ACAT1: variants seen among roughly 807,000 people sequenced by gnomAD.
ACAT1 encodes the protein acetyl-CoA acetyltransferase, mitochondrial.
In ACAT1, 28 loss-of-function variants were observed where a neutral mutation model predicts 47.3. The ratio of observed to expected loss-of-function variants is 0.59; its 90% CI spans 0.44 to 0.81. ACAT1 has a LOEUF of 0.81. ACAT1 is among the 30% of genes least tolerant of loss of function. The pLI is 0.00. For synonymous variants in ACAT1, 181 were observed against 173.6 expected, an observed-to-expected ratio of 1.04 and a Z score of -0.34; for missense variants, 469 against 524.3, an observed-to-expected ratio of 0.89 and a Z score of 1.03.
chr11:108,129,651 G>A (rs1033504619), intron 1 of ACAT1, among the ~76,000 whole-genome samples: 1 of 152,212 alleles, frequency 6.6e-6, no homozygotes, highest in African/African-American at 2.4e-5. Context: ...AAAGGCATGA[G>A]CCACTGTGCC....
chr11:108,131,875 A>T, intron 1 of ACAT1, 32 bp from the exon 2 acceptor site: 1 of 1,008,746 alleles, frequency 9.9e-7, no homozygotes, highest in Non-Finnish European at 1.4e-6. Flanking sequence ...AATATTTTTT[A>T]CATTATAACA....
chr11:108,135,214 C>T lies in ACAT1; in HGVS notation c.407C>T (p.Ala136Val). ...CASGMKAIMM[A>V]SQSLMCGHQD... ...TCAGGAATGAAAGCCATCATGATGGCCTCTCAAAGTCTTATGTGTGGACAT... is the reference window on the plus strand; with the variant it reads ...TCAGGAATGAAAGCCATCATGATGGTCTCTCAAAGTCTTATGTGTGGACAT... Residue 136 changes from alanine (A) to valine (V), a missense_variant, in exon 5 of 12, where the codon GCC (alanine) becomes GTC (valine). Coordinates refer to ENST00000265838, the MANE Select transcript of ACAT1 (RefSeq NM_000019.4). 1 of 1,613,120 alleles carries T rather than the reference C, an allele frequency of 6.2e-7. No individual in the cohort carries two copies. Among genetic ancestry groups the T allele is most frequent in the African/African-American group, 1.3e-5 (1 of 74,990 alleles).
intron 6 of ACAT1, among the ~76,000 whole-genome samples, chr11:108,139,327 T>C (rs186335296): frequency 0.013 from 1,955 of 152,122 alleles, 19 homozygotes; most frequent in South Asian, 0.021. Context: ...GCGGTGGCTC[T>C]GGCCTGTAAT....
At chr11:108,141,458 C>A in intron 7 of ACAT1, 147 bp from the exon 8 acceptor site, 2 of 537,118 alleles carry the variant, frequency 3.7e-6, no homozygotes, top group Non-Finnish European at 6.8e-6. Flanking sequence ...TTATAGTTAA[C>A]AGATTCTAGA....
At chr11:108,144,679 C>T (rs1460930836) in intron 10 of ACAT1, among the ~76,000 whole-genome samples, 1 of 124,330 alleles carries the variant, frequency 8.0e-6, no homozygotes, top group Non-Finnish European at 1.7e-5. Flanking sequence ...AAATCAGATT[C>T]TCCCCACTGC....
intron 1 of ACAT1, among the ~76,000 whole-genome samples, chr11:108,128,357 G>A (rs1441735132): frequency 3.3e-5 from 5 of 152,168 alleles, no homozygotes; most frequent in African/African-American, 7.2e-5. Context: ...TTGGGAGGCC[G>A]AGGCAGGCGG....
chr11:108,139,134 T>C (rs2077530459), intron 6 of ACAT1, 93 bp downstream of exon 6: 2 of 1,500,282 alleles, frequency 1.3e-6, no homozygotes, highest in East Asian at 2.3e-5. Flanking sequence ...AACTGAAAGA[T>C]GGGCTCTATA....
chr11:108,145,665 A>G (rs1044977705), intron 10 of ACAT1, among the ~76,000 whole-genome samples: 1 of 152,164 alleles, frequency 6.6e-6, no homozygotes, highest in African/African-American at 2.4e-5. Context: ...CTGTGGAAAG[A>G]AAATCAAATT....
intron 1 of ACAT1, chr11:108,128,876 A>G (rs2356518): frequency 0.37 from 56,201 of 152,024 alleles, 10,872 homozygotes; most frequent in Non-Finnish European, 0.41. Flanking sequence ...TAGAAAGGGG[A>G]CTTTTAAAAT....
intron 5 of ACAT1, 57 bp from the exon 6 acceptor site, chr11:108,138,841 T>A (rs2077522680): frequency 6.2e-7 from 1 of 1,605,060 alleles, no homozygotes; most frequent in African/African-American, 1.3e-5. Flanking sequence ...ATAAAGGGTG[T>A]CATGGGTTTG....
chr11:108,130,942 G>T (rs1314159702), intron 1 of ACAT1, among the ~76,000 whole-genome samples: 2 of 151,970 alleles, frequency 1.3e-5, no homozygotes, highest in African/African-American at 2.4e-5. Flanking sequence ...TAGAGACGGG[G>T]TTTTTTCGCC....
intron 7 of ACAT1, among the ~76,000 whole-genome samples, chr11:108,141,369 CAAAA>C (rs60002941): frequency 3.0e-3 from 210 of 69,320 alleles, no homozygotes; most frequent in Middle Eastern, 9.6e-3. Flanking sequence ...AACCCTGCCT[CAAAA>C]AAAAAAAAAA....
intron 1 of ACAT1, among the ~76,000 whole-genome samples, chr11:108,129,437 C>T (rs1004221173): frequency 2.0e-5 from 3 of 151,944 alleles, no homozygotes; most frequent in East Asian, 3.9e-4. Flanking sequence ...GGCGTGATCT[C>T]GGCTCACTGC....
At chr11:108,139,394 C>T (rs191585641) in intron 6 of ACAT1, among the ~76,000 whole-genome samples, 19 of 152,004 alleles carry the variant, frequency 1.2e-4, no homozygotes, top group Non-Finnish European at 2.4e-4. Flanking sequence ...AGTTTGAGAC[C>T]GGCTTGGCCA....
chr11:108,134,213 TAATAAAGGGA>T lies in ACAT1; in HGVS notation c.239-7_241del. On this transcript the variant is annotated splice_acceptor_variant and splice_polypyrimidine_tract_variant and coding_sequence_variant and intron_variant, in exon 4 of 12. Coordinates refer to ENST00000265838, the MANE Select transcript of ACAT1 (RefSeq NM_000019.4). LOFTEE classifies it high-confidence loss of function. ...ATGCCTTTTTGACTTTTTTTTTTTT[TAATAAAGGGA>T]TTCCAAAAGAAGAAGTGAAAGAAGC... 1 of 1,591,880 alleles carries T rather than the reference TAATAAAGGGA, an allele frequency of 6.3e-7. No individual in the cohort carries two copies. Among genetic ancestry groups the T allele is most frequent in the African/African-American group, 1.4e-5 (1 of 74,058 alleles).
At chr11:108,132,089 A>C (rs1426452088) in intron 2 of ACAT1, 135 bp downstream of exon 2, 1 of 545,008 alleles carries the variant, frequency 1.8e-6, no homozygotes. Flanking sequence ...CTAACTATTC[A>C]AATATTCAGT....
intron 10 of ACAT1, among the ~76,000 whole-genome samples, chr11:108,145,659 GGAAA>G (rs1370471675): frequency 2.0e-5 from 3 of 152,096 alleles, no homozygotes; most frequent in Non-Finnish European, 2.9e-5. Flanking sequence ...AAATATCTGT[GGAAA>G]GAAAATCAAA....
At chr11:108,137,214 T>C (rs996571459) in intron 5 of ACAT1, among the ~76,000 whole-genome samples, 1 of 152,232 alleles carries the variant, frequency 6.6e-6, no homozygotes. Flanking sequence ...GTGTTCTGAT[T>C]AGTTTTAAGA....
chr11:108,140,475 T>C (rs75616516), intron 7 of ACAT1, among the ~76,000 whole-genome samples: 2 of 152,344 alleles, frequency 1.3e-5, no homozygotes, highest in Non-Finnish European at 2.9e-5. Flanking sequence ...TACGGTATTT[T>C]AAATTGAAAA....
Sources: allele counts gnomAD v4.1 joint callset (sites outside exome capture counted in the v4.1 genomes callset), GRCh38; gene constraint gnomAD v4.1.1; transcripts MANE v1.5; gene names NCBI Gene and HGNC (gene_info 2026-07-23, HGNC 2026-07-21).